Variants in DNAH11 observed in about 807,000 individuals in gnomAD.
DNAH11 encodes axonemal beta dynein heavy chain 11.
In DNAH11, 442 loss-of-function variants were observed where a neutral mutation model predicts 526.0. The observed-to-expected ratio is 0.84, with a 90% CI of 0.78 to 0.91. The LOEUF (loss-of-function observed/expected upper bound fraction) is 0.91. Ranked by LOEUF, DNAH11 falls within the 40% of genes least tolerant of loss-of-function variation. The pLI is 0.00. For missense variants in DNAH11, 6,989 were observed against 5,448.7 expected (o/e 1.28, Z -8.90); for synonymous variants, 2,461 against 1,935.9 (o/e 1.27, Z -7.12).
chr7:21,901,475 A>G lies in DNAH11; in HGVS notation c.*221A>G, dbSNP rs1784844665. On this transcript the variant is annotated 3_prime_UTR_variant, in exon 82 of 82. Coordinates refer to ENST00000409508, the MANE Select transcript of DNAH11 (RefSeq NM_001277115.2). ...CTGTAATCCCAGTTACTCAGGAGGT[A>G]GGAGAATCACTTGAACCTAGGAGGC... is the stretch of plus-strand genomic sequence containing the variant. 2.0e-6 allele frequency: 1 copy of G among 502,008 alleles called. No individual in the cohort carries two copies. Among genetic ancestry groups the G allele is most frequent in the African/African-American group, 2.0e-5 (1 of 50,440 alleles). The allele number at this position is 502,008 out of a possible 1,614,324, so 31.1% of individuals were successfully genotyped here.
At chr7:21,793,752 T>A (rs1183045810) in intron 61 of DNAH11, among the ~76,000 whole-genome samples, 1 of 152,268 alleles carries the variant, frequency 6.6e-6, no homozygotes, top group Non-Finnish European at 1.5e-5. Flanking sequence ...ATGATCTGTC[T>A]GTTAGTGAGC....
At chr7:21,552,360 A>AT (rs1465415650) in intron 2 of DNAH11, among the ~76,000 whole-genome samples, 3 of 152,194 alleles carry the variant, frequency 2.0e-5, no homozygotes, top group Non-Finnish European at 4.4e-5. Context: ...AAACCTAAAA[A>AT]TTTTTGGAGT....
intron 47 of DNAH11, among the ~76,000 whole-genome samples, 190 bp downstream of exon 47, chr7:21,739,056 T>C (rs1386706992): frequency 6.6e-6 from 1 of 152,226 alleles, no homozygotes; most frequent in Non-Finnish European, 1.5e-5. Flanking sequence ...TTTCATCATA[T>C]TAAGTGTAAT....
At chr7:21,693,177 T>A (rs1201378857) in intron 35 of DNAH11, among the ~76,000 whole-genome samples, 1 of 152,190 alleles carries the variant, frequency 6.6e-6, no homozygotes, top group Non-Finnish European at 1.5e-5. Context: ...CTTGCAAAAA[T>A]TTTTAACTAT....
chr7:21,850,295 G>T (rs560690367), intron 66 of DNAH11, among the ~76,000 whole-genome samples: 1 of 148,088 alleles, frequency 6.8e-6, no homozygotes, highest in South Asian at 2.1e-4. Context: ...GGCGGAGCTT[G>T]CAGTGACCCG....
intron 70 of DNAH11, 105 bp from the exon 71 acceptor site, chr7:21,866,365 C>A: frequency 1.8e-6 from 2 of 1,094,696 alleles, no homozygotes; most frequent in Non-Finnish European, 2.6e-6. Flanking sequence ...TGAATACTAT[C>A]CAGCACAGTT....
At chr7:21,575,038 C>T (rs1311660342) in intron 8 of DNAH11, among the ~76,000 whole-genome samples, 4 of 151,712 alleles carry the variant, frequency 2.6e-5, no homozygotes, top group African/African-American at 9.7e-5. Flanking sequence ...CCATGCCCAA[C>T]TAACTTTTGT....
rs181462779 is a variant in DNAH11 at position 21,789,061 on chromosome 7, G to A, written c.9925-180G>A. On this transcript the variant is annotated intron_variant, in intron 60 of 81. Transcript: ENST00000409508. ...CTCAGCACTTTGGGAGGCTGAGGTG[G>A]GAGGATCCTTTGAGCCCCAGAGTTT... Among the ~76,000 whole-genome samples, 226 of 152,192 alleles carry A rather than the reference G, an allele frequency of 1.5e-3. 2 individuals are homozygous for A. Among genetic ancestry groups the A allele is most frequent in the Non-Finnish European group, 5.7e-4 (39 of 68,008 alleles).
At chr7:21,745,369 T>C (rs1435051848) in intron 51 of DNAH11, among the ~76,000 whole-genome samples, 1 of 152,224 alleles carries the variant, frequency 6.6e-6, no homozygotes, top group African/African-American at 2.4e-5. Flanking sequence ...TAATTTTCAT[T>C]GATTAAGCAG....
chr7:21,642,779 G>A (rs1279769482), intron 28 of DNAH11, among the ~76,000 whole-genome samples: 1 of 152,038 alleles, frequency 6.6e-6, no homozygotes, highest in Non-Finnish European at 1.5e-5. Context: ...TGTGGAATGT[G>A]ATCAGCTTGA....
chr7:21,560,081 T>C (rs1347053606), intron 4 of DNAH11, among the ~76,000 whole-genome samples: 1 of 152,150 alleles, frequency 6.6e-6, no homozygotes, highest in East Asian at 1.9e-4. Flanking sequence ...ATTTAATTAG[T>C]CAACTTAATT....
chr7:21,895,371 T>C (rs555762979), intron 79 of DNAH11, among the ~76,000 whole-genome samples: 17 of 152,222 alleles, frequency 1.1e-4, no homozygotes, highest in Non-Finnish European at 2.1e-4. Context: ...TGTCATCTTA[T>C]AACTTTACTT....
chr7:21,713,523 G>A (rs1784539448), intron 42 of DNAH11, among the ~76,000 whole-genome samples: 1 of 152,032 alleles, frequency 6.6e-6, no homozygotes, highest in Non-Finnish European at 1.5e-5. Context: ...TCGTTCTCTT[G>A]TCCCTCCAGG....
rs184801005 is a variant in DNAH11 at position 21,630,379 on chromosome 7, G to T, written c.4501-5492G>T. On this transcript the variant is annotated intron_variant, in intron 25 of 81. Coordinates refer to ENST00000409508, the MANE Select transcript of DNAH11 (RefSeq NM_001277115.2). ...CATAGTTACAGTACTAGAATATTCT[G>T]TGTTTGTTCACATATTTAATTTTAC... Among the ~76,000 whole-genome samples the T allele has an allele frequency of 4.1e-3, 624 of 152,282 alleles. 3 individuals carry two copies. The highest frequency in any genetic ancestry group is 5.8e-3 in the Non-Finnish European group (392 of 68,010).
At chr7:21,577,333 C>T (rs116003261) in intron 8 of DNAH11, among the ~76,000 whole-genome samples, 2 of 152,334 alleles carry the variant, frequency 1.3e-5, no homozygotes, top group African/African-American at 4.8e-5. Context: ...CCTAGACTTA[C>T]ACCCTTTCTG....
intron 30 of DNAH11, among the ~76,000 whole-genome samples, chr7:21,668,082 C>T (rs755906006): frequency 6.6e-6 from 1 of 152,132 alleles, no homozygotes; most frequent in South Asian, 2.1e-4. Context: ...GATAGAAAAA[C>T]CACACAAAGA....
chr7:21,697,656 T>A (rs1224436455), intron 35 of DNAH11, among the ~76,000 whole-genome samples: 1 of 152,212 alleles, frequency 6.6e-6, no homozygotes, highest in East Asian at 1.9e-4. Flanking sequence ...TCAGCCATGG[T>A]GGAAGAATTT....
chr7:21,599,404 C>A (rs913583395), intron 14 of DNAH11, among the ~76,000 whole-genome samples: 6 of 152,196 alleles, frequency 3.9e-5, no homozygotes, highest in Non-Finnish European at 7.3e-5. Flanking sequence ...TTTGACAGAT[C>A]TCTTTATTTA....
intron 55 of DNAH11, among the ~76,000 whole-genome samples, chr7:21,767,555 G>A (rs2127975035): frequency 6.6e-6 from 1 of 152,296 alleles, no homozygotes; most frequent in South Asian, 2.1e-4. Context: ...GCCTCCTATA[G>A]GATGCTGAGT....
Sources: allele counts gnomAD v4.1 joint callset (sites outside exome capture counted in the v4.1 genomes callset), GRCh38; gene constraint gnomAD v4.1.1; transcripts MANE v1.5; gene names NCBI Gene and HGNC (gene_info 2026-07-23, HGNC 2026-07-21).